Variants in PAGE2B observed in about 807,000 individuals in gnomAD.
PAGE2B encodes PAGE family member 2B.
In PAGE2B, 5 loss-of-function variants were observed where a neutral mutation model predicts 7.6. That is an observed-to-expected ratio of 0.66 (90% CI 0.34 to 1.38). The LOEUF is 1.38. PAGE2B is among the 40% of genes most tolerant of loss of function. PAGE2B has a pLI of 0.04. For synonymous variants in PAGE2B, 29 were observed against 26.7 expected (o/e 1.09, Z -0.27); for missense variants, 70 against 78.4 (o/e 0.89, Z 0.41).
At chrX:55,047,842 G>A in the PAGE2B span, among the ~76,000 whole-genome samples, 1 of 111,886 alleles carries the variant, frequency 8.9e-6, no homozygotes, top group African/African-American at 3.2e-5. Context: ...TGTCAATTTT[G>A]ACTTTTGTTG....
At chrX:55,031,548 A>T in the PAGE2B span, among the ~76,000 whole-genome samples, 1 of 112,194 alleles carries the variant, frequency 8.9e-6, no homozygotes, top group African/African-American at 3.2e-5. Flanking sequence ...TAATTTAGCC[A>T]CATAAGGACC....
At chrX:55,058,633 A>C in the PAGE2B span, among the ~76,000 whole-genome samples, 201 of 111,055 alleles carry the variant, frequency 1.8e-3, 2 homozygotes, top group African/African-American at 6.4e-3. Context: ...TAAGGAAATT[A>C]ATTCTCACAG....
At chrX:55,057,593 C>T in the PAGE2B span, among the ~76,000 whole-genome samples, 11 of 110,764 alleles carry the variant, frequency 9.9e-5, no homozygotes, top group East Asian at 3.1e-3. Context: ...CTGTACGTGG[C>T]TCTGTCAGTT....
chrX:55,057,028 G>A, the PAGE2B span, among the ~76,000 whole-genome samples: 1 of 111,477 alleles, frequency 9.0e-6, no homozygotes, highest in Non-Finnish European at 1.9e-5. Context: ...GATGCAGAGA[G>A]GAAGGAAGAC....
chrX:55,072,362 G>A (rs1397672031), upstream of PAGE2B, among the ~76,000 whole-genome samples: 3 of 112,191 alleles, frequency 2.7e-5, no homozygotes, highest in South Asian at 3.7e-4. Flanking sequence ...TACCCTGTTC[G>A]CCTGGGCATC....
chrX:55,038,020 G>A, the PAGE2B span, among the ~76,000 whole-genome samples: 2 of 108,867 alleles, frequency 1.8e-5, no homozygotes, highest in South Asian at 4.0e-4. Flanking sequence ...CCTGCACATT[G>A]TGCACATGTA....
chrX:55,032,644 G>T, the PAGE2B span, among the ~76,000 whole-genome samples: 3 of 111,604 alleles, frequency 2.7e-5, no homozygotes, highest in East Asian at 8.4e-4. Context: ...TTGTGAGGAT[G>T]AGATGAGAAG....
chrX:55,057,528 C>T, the PAGE2B span, among the ~76,000 whole-genome samples: 1 of 111,498 alleles, frequency 9.0e-6, no homozygotes, highest in East Asian at 2.8e-4. Flanking sequence ...CCCATGCTGT[C>T]AGTCTCCCAA....
the PAGE2B span, among the ~76,000 whole-genome samples, chrX:55,043,689 C>T: frequency 9.0e-5 from 10 of 111,021 alleles, no homozygotes; most frequent in South Asian, 3.8e-4. Context: ...ATAATAGGGC[C>T]GGGCGCAGTG....
chrX:55,054,435 G>A, the PAGE2B span, among the ~76,000 whole-genome samples: 6 of 112,107 alleles, frequency 5.4e-5, no homozygotes, highest in Non-Finnish European at 1.1e-4. Context: ...AAAATGTAAA[G>A]TATCCACTTT....
chrX:55,056,965 G>A, the PAGE2B span, among the ~76,000 whole-genome samples: 1 of 111,666 alleles, frequency 9.0e-6, no homozygotes, highest in African/African-American at 3.3e-5. Flanking sequence ...CTCTTGTCAA[G>A]ATAACCTTAT....
the PAGE2B span, among the ~76,000 whole-genome samples, chrX:55,042,938 T>TA: frequency 1.8e-5 from 2 of 110,818 alleles, no homozygotes; most frequent in South Asian, 7.7e-4. Context: ...ATTACCTGAC[T>TA]TCAAACTATC....
At chrX:55,076,820 G>A in intron 3 of PAGE2B, 143 bp downstream of exon 3, 9 of 591,500 alleles carry the variant, frequency 1.5e-5, no homozygotes, top group Non-Finnish European at 2.3e-5. Context: ...TGGAGGGGTG[G>A]GACAAGGACG....
At chrX:55,043,113 A>G in the PAGE2B span, among the ~76,000 whole-genome samples, 1 of 111,422 alleles carries the variant, frequency 9.0e-6, no homozygotes, top group Non-Finnish European at 1.9e-5. Flanking sequence ...CTATTCAATA[A>G]ATGTTGCTGG....
At chrX:55,075,740 T>A (rs184234414) in intron 1 of PAGE2B, among the ~76,000 whole-genome samples, 7 of 111,150 alleles carry the variant, frequency 6.3e-5, no homozygotes, top group Admixed American at 3.8e-4. Context: ...TTCTCTGCCC[T>A]TTTTTCCCCC....
chrX:55,029,719 C>T, the PAGE2B span, among the ~76,000 whole-genome samples: 1 of 111,677 alleles, frequency 9.0e-6, no homozygotes, highest in African/African-American at 3.3e-5. Context: ...ACTTATGTAC[C>T]TAATGTGTGA....
At chrX:55,040,529 T>C in the PAGE2B span, among the ~76,000 whole-genome samples, 1 of 111,866 alleles carries the variant, frequency 8.9e-6, no homozygotes, top group Non-Finnish European at 1.9e-5. Flanking sequence ...CTTAAAAGCA[T>C]TATGCTATGT....
At chrX:55,036,716 G>T in the PAGE2B span, among the ~76,000 whole-genome samples, 488 of 109,281 alleles carry the variant, frequency 4.5e-3, 6 homozygotes, top group African/African-American at 0.015. Flanking sequence ...TAGATCAATG[G>T]AACAGAACAG....
intron 1 of PAGE2B, 125 bp from the exon 2 acceptor site, chrX:55,075,909 C>G: frequency 1.4e-6 from 1 of 700,474 alleles, no homozygotes; most frequent in Non-Finnish European, 2.1e-6. Flanking sequence ...TATCAATGCT[C>G]TGTGAATTAC....
Sources: allele counts gnomAD v4.1 joint callset (sites outside exome capture counted in the v4.1 genomes callset), GRCh38; gene constraint gnomAD v4.1.1; transcripts MANE v1.5; gene names NCBI Gene and HGNC (gene_info 2026-07-23, HGNC 2026-07-21).